The following PTPRN2 variants were observed in gnomAD, a reference collection of about 807,000 sequenced individuals.
PTPRN2 encodes the protein receptor-type tyrosine-protein phosphatase N2.
PTPRN2 carries 74 observed loss-of-function variants against 118.8 expected under a neutral mutation model. The observed-to-expected ratio is 0.62, with a 90% confidence interval of 0.52 to 0.76. The LOEUF (loss-of-function observed/expected upper bound fraction) is 0.76, where lower values mean the gene tolerates loss of function less well. Ranked by LOEUF, PTPRN2 falls within the 30% of genes least tolerant of loss-of-function variation. The pLI is 0.00. For synonymous variants in PTPRN2, 641 were observed against 608.0 expected (o/e 1.05, Z -0.80); for missense variants, 1,481 against 1,394.4 (o/e 1.06, Z -0.99).
At chr7:158,193,496 T>TAAAC in intron 4 of PTPRN2, among the ~76,000 whole-genome samples, 1 of 152,164 alleles carries the variant, frequency 6.6e-6, no homozygotes, top group East Asian at 1.9e-4. Context: ...TCCCCATGTT[T>TAAAC]ATGGGGAGCC....
intron 2 of PTPRN2, among the ~76,000 whole-genome samples, chr7:158,378,050 G>A (rs569521830): frequency 6.6e-6 from 1 of 152,324 alleles, no homozygotes; most frequent in South Asian, 2.1e-4. Context: ...TTCCAGGTGT[G>A]ACACGGCAGG....
chr7:158,082,814 G>C (rs145778346), intron 10 of PTPRN2, among the ~76,000 whole-genome samples: 1 of 152,164 alleles, frequency 6.6e-6, no homozygotes, highest in East Asian at 1.9e-4. Flanking sequence ...GACTTCCTGC[G>C]TCCAGCTCTA....
At chr7:158,332,736 A>AT (rs1395813528) in intron 2 of PTPRN2, among the ~76,000 whole-genome samples, 5 of 151,136 alleles carry the variant, frequency 3.3e-5, no homozygotes, top group Non-Finnish European at 7.4e-5. Flanking sequence ...CACTCTCACC[A>AT]TAAGAGCTGA....
intron 16 of PTPRN2, among the ~76,000 whole-genome samples, chr7:157,599,837 C>T (rs1801559070): frequency 6.8e-6 from 1 of 146,696 alleles, no homozygotes; most frequent in Admixed American, 6.8e-5. Flanking sequence ...GTATTTCTAC[C>T]TGCCCACCTC....
chr7:158,157,479 C>T (rs904153251), intron 6 of PTPRN2, among the ~76,000 whole-genome samples: 1 of 152,240 alleles, frequency 6.6e-6, no homozygotes, highest in African/African-American at 2.4e-5. Flanking sequence ...CAGTTTATGA[C>T]TCTTACTTCT....
Position 157,670,636 on chromosome 7 carries a change from C to T in PTPRN2, c.2001+12089G>A, listed in dbSNP as rs192012210. ...AGCAAAGCCCCTCCAGCCAGACTGC[C>T]GTTGGTGAGACAAATCCCTCCCTTC... On this transcript the variant is annotated intron_variant, in intron 13 of 22. Coordinates refer to ENST00000389418, the MANE Select transcript of PTPRN2 (RefSeq NM_002847.5). 1.8e-3 allele frequency among the ~76,000 whole-genome samples: 268 copies of T among 152,260 alleles called. 2 individuals carry two copies. The highest frequency in any genetic ancestry group is 6.2e-3 in the African/African-American group (258 of 41,548).
intron 9 of PTPRN2, among the ~76,000 whole-genome samples, chr7:158,132,192 GCACA>G (rs1471642976): frequency 4.1e-5 from 6 of 147,136 alleles, no homozygotes; most frequent in Non-Finnish European, 9.0e-5. Flanking sequence ...ACACACACAC[GCACA>G]GATACACACA....
In PTPRN2 at chr7:158,570,314, C is replaced by G. The variant is rs1257798485; in HGVS notation, c.112+17244G>C. Among the ~76,000 whole-genome samples, 1 of 152,242 alleles carries G rather than the reference C, an allele frequency of 6.6e-6. No individual in the cohort carries two copies. Among genetic ancestry groups the G allele is most frequent in the Non-Finnish European group, 1.5e-5 (1 of 68,048 alleles). ...GACGCCCTCAGAGGCCTCCACCCCA[C>G]ACTCCACCGCGCTCTGCCAACCGGG... is the stretch of plus-strand genomic sequence containing the variant. On this transcript the variant is annotated intron_variant, in intron 1 of 22. Coordinates refer to ENST00000389418, the MANE Select transcript of PTPRN2 (RefSeq NM_002847.5). This position sits in a 1 kb window ranked among gnomAD's most constrained non-coding sequence, Gnocchi z 4.5.
chr7:158,197,813 C>G (rs1239509173), intron 4 of PTPRN2, among the ~76,000 whole-genome samples: 1 of 152,208 alleles, frequency 6.6e-6, no homozygotes, highest in East Asian at 1.9e-4. Context: ...ATGAGAACAG[C>G]ATGGAGACAG....
chr7:158,470,407 C>T (rs1431803678), intron 2 of PTPRN2, among the ~76,000 whole-genome samples: 3 of 152,192 alleles, frequency 2.0e-5, no homozygotes, highest in African/African-American at 7.2e-5. Context: ...GGGTGCTCAA[C>T]ACAGCGCTGC....
Position 157,540,507 on chromosome 7 carries a change from C to T in PTPRN2, c.*207G>A, listed in dbSNP as rs1057122229. 39 of 426,956 alleles carry T rather than the reference C, an allele frequency of 9.1e-5. No individual in the cohort carries two copies. Among genetic ancestry groups the T allele is most frequent in the Non-Finnish European group, 1.4e-4 (33 of 239,756 alleles). 26.4% of individuals were successfully genotyped at this position (426,956 alleles called of 1,614,324 possible). A position where few individuals can be genotyped will look rare whatever the true frequency, so the allele number is the denominator to read the frequency against. On this transcript the variant is annotated 3_prime_UTR_variant, in exon 23 of 23. Transcript: ENST00000389418. The stretch of plus-strand genomic sequence containing the variant: ...ATTGATGAACCGATTCCCCTCCACC[C>T]GTAACTGGATTTTTCCACAAATCTC...
intron 11 of PTPRN2, among the ~76,000 whole-genome samples, chr7:157,982,506 C>T (rs1585134344): frequency 7.5e-6 from 1 of 133,372 alleles, no homozygotes; most frequent in Admixed American, 7.4e-5. Context: ...AGTGCAGGGT[C>T]CCCCCAAACC....
intron 15 of PTPRN2, among the ~76,000 whole-genome samples, chr7:157,607,685 C>A (rs1802086739): frequency 6.6e-6 from 1 of 152,202 alleles, no homozygotes; most frequent in Non-Finnish European, 1.5e-5. Flanking sequence ...TGCTGCCAGG[C>A]CCTGTGAGCA....
At chr7:157,806,507 G>A (rs1805641666) in intron 12 of PTPRN2, among the ~76,000 whole-genome samples, 1 of 152,130 alleles carries the variant, frequency 6.6e-6, no homozygotes, top group Non-Finnish European at 1.5e-5. Flanking sequence ...GTGTAAATGT[G>A]TGCAATAGAT....
rs912550002 is a variant in PTPRN2 at position 158,546,458 on chromosome 7, T to G, written c.112+41100A>C. 2.6e-5 allele frequency among the ~76,000 whole-genome samples: 4 copies of G among 152,100 alleles called. No homozygotes were observed. Among genetic ancestry groups the G allele is most frequent in the Non-Finnish European group, 4.4e-5 (3 of 68,006 alleles). On this transcript the variant is annotated intron_variant, in intron 1 of 22. Coordinates refer to ENST00000389418, the MANE Select transcript of PTPRN2 (RefSeq NM_002847.5). The surrounding 1 kb of genome is among the most constrained non-coding windows in gnomAD (Gnocchi z 5.0). ...AATCACAGCCGCCGGGTTAAGGGGC[T>G]CATGGCGGAGGCAAGCCCCAGTGTC... is the stretch of plus-strand genomic sequence containing the variant.
chr7:157,811,392 C>G (rs1385431831), intron 12 of PTPRN2, among the ~76,000 whole-genome samples: 1 of 146,198 alleles, frequency 6.8e-6, no homozygotes, highest in African/African-American at 2.5e-5. Context: ...ATCAAAATGA[C>G]TTCACCCCAA....
At chr7:157,595,960 G>A (rs140257959) in intron 16 of PTPRN2, among the ~76,000 whole-genome samples, 15 of 152,308 alleles carry the variant, frequency 9.8e-5, no homozygotes, top group African/African-American at 1.7e-4. Context: ...CAGCAGGTGC[G>A]ACCCCATGAC....
intron 12 of PTPRN2, among the ~76,000 whole-genome samples, chr7:157,891,417 C>A (rs1366318047): frequency 7.5e-6 from 1 of 133,500 alleles, no homozygotes; most frequent in Non-Finnish European, 1.6e-5. Context: ...ACACCCCCCG[C>A]CCCCCACCCC....
chr7:158,461,682 G>A (rs1002947565), intron 2 of PTPRN2, among the ~76,000 whole-genome samples: 2 of 152,150 alleles, frequency 1.3e-5, no homozygotes, highest in Admixed American at 6.5e-5. Context: ...TACTACACGC[G>A]AGCATTTCCC....
Sources: gnomAD v4.1 joint callset for allele counts (sites outside exome capture counted in the v4.1 genomes callset) on GRCh38, gnomAD v4.1.1 for gene constraint, Gnocchi (gnomAD v3.1) non-coding constraint, MANE v1.5 for transcripts, NCBI Gene and HGNC (gene_info 2026-07-23, HGNC 2026-07-21) for gene names.